The following GPM6A variants were observed in gnomAD, a reference collection of about 807,000 sequenced individuals.
The protein encoded by GPM6A is glycoprotein M6A.
In GPM6A, 7 loss-of-function variants were observed where a neutral mutation model predicts 32.1. The ratio of observed to expected loss-of-function variants is 0.22; its 90% CI spans 0.12 to 0.41. The LOEUF (loss-of-function observed/expected upper bound fraction) is 0.41. Ranked by LOEUF, GPM6A falls within the 10% of genes least tolerant of loss-of-function variation. The pLI is 1.00. For missense variants in GPM6A, 235 were observed against 347.2 expected, an observed-to-expected ratio of 0.68 and a Z score of 2.57; for synonymous variants, 130 against 123.4, an observed-to-expected ratio of 1.05 and a Z score of -0.35.
At chr4:175,886,387 G>A (rs1238634362) in intron 1 of GPM6A, among the ~76,000 whole-genome samples, 1 of 152,124 alleles carries the variant, frequency 6.6e-6, no homozygotes, top group Non-Finnish European at 1.5e-5. Flanking sequence ...TAACTGTCAA[G>A]CTAGAACCTT....
At chr4:175,680,007 A>G (rs1457535903) in intron 2 of GPM6A, among the ~76,000 whole-genome samples, 1 of 152,188 alleles carries the variant, frequency 6.6e-6, no homozygotes, top group African/African-American at 2.4e-5. Context: ...ATGTGGTGCT[A>G]TATGTGCTCA....
At position 175,953,754 on chromosome 4, in the gene GPM6A, T is replaced by G. The variant is rs139717947; in HGVS notation, c.-23+48555A>C. ...GTCTCTACTAAAAATACAAAATTAG[T>G]CAGGCATGGTGGCACATGCCTGTAG... On this transcript the variant is annotated intron_variant, in intron 1 of 7. Transcript: ENST00000280187. Among the ~76,000 whole-genome samples, 5 of 151,918 alleles carry G rather than the reference T, an allele frequency of 3.3e-5. No individual in the cohort carries two copies. In the East Asian group the frequency reaches 9.7e-4, roughly 30 times the overall value.
At chr4:175,874,922 C>A (rs551781332) in intron 1 of GPM6A, among the ~76,000 whole-genome samples, 2 of 152,316 alleles carry the variant, frequency 1.3e-5, no homozygotes, top group South Asian at 4.1e-4. Context: ...CCCTTTCTTA[C>A]TGCTTAACAC....
chr4:175,867,015 G>C (rs1003601530), intron 1 of GPM6A, among the ~76,000 whole-genome samples: 6 of 152,000 alleles, frequency 3.9e-5, no homozygotes, highest in African/African-American at 1.2e-4. Context: ...GAAGTGTAGA[G>C]CATATTTTCA....
intron 1 of GPM6A, among the ~76,000 whole-genome samples, chr4:175,709,806 C>T (rs948087994): frequency 6.6e-6 from 1 of 151,950 alleles, no homozygotes; most frequent in African/African-American, 2.4e-5. Context: ...ATTTCCTTCC[C>T]AGCTTCATAG....
chr4:175,741,491 T>C (rs1318369801), intron 1 of GPM6A, among the ~76,000 whole-genome samples: 2 of 152,142 alleles, frequency 1.3e-5, no homozygotes, highest in African/African-American at 2.4e-5. Flanking sequence ...AATATCTTCA[T>C]ATGGAATGCA....
At chr4:175,846,245 C>A (rs1213956621) in intron 1 of GPM6A, among the ~76,000 whole-genome samples, 1 of 152,080 alleles carries the variant, frequency 6.6e-6, no homozygotes, top group Non-Finnish European at 1.5e-5. Context: ...AAAAGCTTTA[C>A]ACCTTCTATT....
chr4:175,870,789 T>A (rs940005865), intron 1 of GPM6A, among the ~76,000 whole-genome samples: 1 of 152,176 alleles, frequency 6.6e-6, no homozygotes, highest in African/African-American at 2.4e-5. Context: ...GTTTCCCTTA[T>A]TAACTAGCTT....
chr4:175,737,117 T>C (rs1421042326), intron 1 of GPM6A, among the ~76,000 whole-genome samples: 1 of 152,216 alleles, frequency 6.6e-6, no homozygotes, highest in Non-Finnish European at 1.5e-5. Flanking sequence ...GCACCCACCA[T>C]TTACAGAACA....
Position 175,634,824 on chromosome 4 carries a change from GTT to G in GPM6A, c.*79_*80del, listed in dbSNP as rs1424212105. On this transcript the variant is annotated 3_prime_UTR_variant, in exon 7 of 7. Coordinates refer to ENST00000393658, the MANE Select transcript of GPM6A (RefSeq NM_201591.3). The stretch of plus-strand genomic sequence containing the variant: ...CATTGATGAGAAGCACTTTCGTTTT[GTT>G]TTTTAAAGGTTGGATGGTTGGATGG... The G allele has an allele frequency of 1.7e-6, 2 of 1,201,572 alleles. No homozygotes were observed. Among genetic ancestry groups the G allele is most frequent in the Non-Finnish European group, 2.4e-6 (2 of 831,498 alleles). 74.4% of individuals were successfully genotyped at this position (1,201,572 alleles called of 1,614,324 possible).
At chr4:175,875,884 T>C (rs946691670) in intron 1 of GPM6A, among the ~76,000 whole-genome samples, 6 of 152,214 alleles carry the variant, frequency 3.9e-5, no homozygotes, top group African/African-American at 1.4e-4. Flanking sequence ...TTGAGAGCTA[T>C]GATTTCCCTT....
intron 1 of GPM6A, among the ~76,000 whole-genome samples, chr4:175,746,771 ACAT>A (rs1732120132): frequency 6.6e-6 from 1 of 152,172 alleles, no homozygotes; most frequent in African/African-American, 2.4e-5. Flanking sequence ...TAAATGCTAG[ACAT>A]AAGGAGAGTT....
At chr4:175,667,993 A>G (rs1472367717) in intron 3 of GPM6A, among the ~76,000 whole-genome samples, 5 of 152,080 alleles carry the variant, frequency 3.3e-5, no homozygotes, top group African/African-American at 7.2e-5. Context: ...CTTTTTATCA[A>G]TTTTCCATTT....
intron 1 of GPM6A, among the ~76,000 whole-genome samples, chr4:175,931,002 T>A (rs1202168602): frequency 6.6e-6 from 1 of 152,146 alleles, no homozygotes; most frequent in Non-Finnish European, 1.5e-5. Flanking sequence ...GCCAAATTCT[T>A]GAGACAGGAA....
chr4:175,950,069 C>T (rs1159314749), intron 1 of GPM6A, among the ~76,000 whole-genome samples: 1 of 152,040 alleles, frequency 6.6e-6, no homozygotes, highest in Non-Finnish European at 1.5e-5. Context: ...TAAAAGCACA[C>T]AAAGTTCTCC....
At chr4:175,893,755 C>A (rs755784205) in intron 1 of GPM6A, among the ~76,000 whole-genome samples, 7 of 152,058 alleles carry the variant, frequency 4.6e-5, no homozygotes, top group Non-Finnish European at 8.8e-5. Flanking sequence ...CGTTTCCTAA[C>A]CTTCCTAAGT....
chr4:175,704,569 C>T (rs1394165967), intron 1 of GPM6A, among the ~76,000 whole-genome samples: 7 of 152,146 alleles, frequency 4.6e-5, no homozygotes, highest in Non-Finnish European at 7.4e-5. Flanking sequence ...TTCCACCTCA[C>T]TGATTATTTA....
intron 1 of GPM6A, among the ~76,000 whole-genome samples, chr4:175,740,062 T>C (rs1422011098): frequency 6.6e-6 from 1 of 152,066 alleles, no homozygotes; most frequent in Non-Finnish European, 1.5e-5. Context: ...GACTATTTTT[T>C]AAAGCTAGCT....
At chr4:175,887,659 A>T (rs2111469377) in intron 1 of GPM6A, among the ~76,000 whole-genome samples, 1 of 152,074 alleles carries the variant, frequency 6.6e-6, no homozygotes, top group South Asian at 2.1e-4. Context: ...TATCAAGAAC[A>T]AAGGAGGAAA....
Sources: gnomAD v4.1 joint callset for allele counts (sites outside exome capture counted in the v4.1 genomes callset) on GRCh38, gnomAD v4.1.1 for gene constraint, MANE v1.5 for transcripts, NCBI Gene and HGNC (gene_info 2026-07-23, HGNC 2026-07-21) for gene names.